RASSF9: variants seen among roughly 807,000 people sequenced by gnomAD.
RASSF9 encodes Ras association domain family member 9.
A neutral mutation model predicts 21.4 loss-of-function variants in RASSF9; 18 were observed. That is an observed-to-expected ratio of 0.84 (90% CI 0.58 to 1.25). The LOEUF (loss-of-function observed/expected upper bound fraction) is 1.25. RASSF9 is among the 50% of genes most tolerant of loss of function. The pLI, the probability that RASSF9 is intolerant of heterozygous loss-of-function variation, is 0.00. For missense variants in RASSF9, 480 were observed against 503.2 expected, an observed-to-expected ratio of 0.95 and a Z score of 0.44; for synonymous variants, 183 against 179.1, an observed-to-expected ratio of 1.02 and a Z score of -0.18.
At chr12:85,812,512 G>A (rs982053126) in intron 1 of RASSF9, among the ~76,000 whole-genome samples, 1 of 150,830 alleles carries the variant, frequency 6.6e-6, no homozygotes, top group African/African-American at 2.4e-5. Flanking sequence ...TATATAGCAG[G>A]AACGATTGAA....
intron 1 of RASSF9, among the ~76,000 whole-genome samples, chr12:85,806,240 C>A (rs866241036): frequency 5.3e-5 from 8 of 151,178 alleles, no homozygotes; most frequent in Middle Eastern, 3.5e-3. Context: ...TTAGTACAGA[C>A]GGGGTTTCAC....
intron 1 of RASSF9, among the ~76,000 whole-genome samples, chr12:85,819,940 AG>A (rs1412154997): frequency 6.6e-6 from 1 of 152,192 alleles, no homozygotes; most frequent in Non-Finnish European, 1.5e-5. Context: ...TAACTGGTTC[AG>A]TTATTTTTCT....
At chr12:85,826,730 A>G (rs1007478409) in intron 1 of RASSF9, among the ~76,000 whole-genome samples, 1 of 152,048 alleles carries the variant, frequency 6.6e-6, no homozygotes, top group Non-Finnish European at 1.5e-5. Context: ...GGCATGAGCC[A>G]CCGCGCCTGG....
chr12:85,811,888 C>T (rs1007154669), intron 1 of RASSF9, among the ~76,000 whole-genome samples: 14 of 151,838 alleles, frequency 9.2e-5, no homozygotes, highest in Admixed American at 6.6e-4. Flanking sequence ...GGGTATGTCA[C>T]ATTTTGGTTC....
chr12:85,818,934 G>A (rs1414707001), intron 1 of RASSF9, among the ~76,000 whole-genome samples: 1 of 146,062 alleles, frequency 6.8e-6, no homozygotes, highest in Non-Finnish European at 1.5e-5. Context: ...ACTCCAGCCT[G>A]GGCGAGAGAG....
chr12:85,811,895 G>T (rs1484253270), intron 1 of RASSF9, among the ~76,000 whole-genome samples: 1 of 151,708 alleles, frequency 6.6e-6, no homozygotes, highest in Non-Finnish European at 1.5e-5. Context: ...TCACATTTTG[G>T]TTCTGATTAA....
chr12:85,819,933 C>G (rs369870167), intron 1 of RASSF9, among the ~76,000 whole-genome samples: 1 of 152,050 alleles, frequency 6.6e-6, no homozygotes, highest in East Asian at 1.9e-4. Flanking sequence ...AAAAGGATAA[C>G]TGGTTCAGTT....
chr12:85,826,451 T>A (rs1313433816), intron 1 of RASSF9, among the ~76,000 whole-genome samples: 2 of 150,496 alleles, frequency 1.3e-5, no homozygotes, highest in African/African-American at 4.9e-5. Flanking sequence ...TCCAATATTT[T>A]TTTTTTTTTT....
chr12:85,832,955 G>A (rs1261681213), intron 1 of RASSF9, among the ~76,000 whole-genome samples: 3 of 151,852 alleles, frequency 2.0e-5, no homozygotes, highest in African/African-American at 7.2e-5. Context: ...TTGGTTCCAT[G>A]TCTTTCTATG....
rs1334406707 is a variant in RASSF9 at position 85,803,971 on chromosome 12, G to A, written c.*731C>T. 1 of 152,202 alleles carries A rather than the reference G, an allele frequency of 6.6e-6. No homozygotes were observed. Among genetic ancestry groups the A allele is most frequent in the Non-Finnish European group, 1.5e-5 (1 of 68,034 alleles). The allele number at this position is 152,202 out of a possible 1,614,324, so 9.4% of individuals were successfully genotyped here. A position where few individuals can be genotyped will look rare whatever the true frequency, so the allele number is the denominator to read the frequency against. On this transcript the variant is annotated 3_prime_UTR_variant, in exon 2 of 2. Transcript: ENST00000361228. ...TACCTCACTCAGTGAATGAACATGG[G>A]TTTGGTCAGGAGATCTGAATTGCCA...
At chr12:85,811,220 C>G (rs17346266) in intron 1 of RASSF9, among the ~76,000 whole-genome samples, 10,317 of 151,694 alleles carry the variant, frequency 0.068, 486 homozygotes, top group Non-Finnish European at 0.1. Flanking sequence ...CTTGAACATT[C>G]AGTATAAAGG....
At chr12:85,828,190 T>A (rs745565128) in intron 1 of RASSF9, among the ~76,000 whole-genome samples, 1 of 152,162 alleles carries the variant, frequency 6.6e-6, no homozygotes, top group Non-Finnish European at 1.5e-5. Context: ...TATGTGTGTG[T>A]GTATTTAAGT....
intron 1 of RASSF9, among the ~76,000 whole-genome samples, chr12:85,825,085 C>T (rs1335985142): frequency 2.0e-5 from 3 of 152,118 alleles, no homozygotes; most frequent in African/African-American, 7.2e-5. Context: ...TCACTGCAAC[C>T]TCTACCTCCC....
At position 85,802,144 on chromosome 12, in the gene RASSF9, T is replaced by G. The variant is rs932606060; in HGVS notation, c.*2558A>C. 2.6e-5 allele frequency: 4 copies of G among 152,228 alleles called. No individual in the cohort carries two copies. The East Asian group carries it at 7.7e-4, about 29-fold the overall frequency. 9.4% of individuals were successfully genotyped at this position (152,228 alleles called of 1,614,324 possible). ...TTGGTTTGTTTCTTCTAGCTGCATATAGCAATTTCATAGTTAACCTGTCAG... is the reference window on the plus strand; with the variant it reads ...TTGGTTTGTTTCTTCTAGCTGCATAGAGCAATTTCATAGTTAACCTGTCAG... On this transcript the variant is annotated 3_prime_UTR_variant, in exon 2 of 2. Transcript: ENST00000361228.
In RASSF9 at chr12:85,801,885, C is replaced by T. The variant is rs968046921; in HGVS notation, c.*2817G>A. ...GTGCATAAATATATATAGCGTAAGC[C>T]AGAATAAAAATGCTTCTTATGAGAA... is the stretch of plus-strand genomic sequence containing the variant. On this transcript the variant is annotated 3_prime_UTR_variant, in exon 2 of 2. Coordinates refer to ENST00000361228, the MANE Select transcript of RASSF9 (RefSeq NM_005447.4). 5 of 152,120 alleles carry T rather than the reference C, an allele frequency of 3.3e-5. No individual in the cohort carries two copies. The highest frequency in any genetic ancestry group is 1.2e-4 in the African/African-American group (5 of 41,404). 9.4% of individuals were successfully genotyped at this position (152,120 alleles called of 1,614,324 possible).
At chr12:85,826,447 ATTTTT>A (rs560187497) in intron 1 of RASSF9, among the ~76,000 whole-genome samples, 2 of 130,658 alleles carry the variant, frequency 1.5e-5, no homozygotes, top group Non-Finnish European at 1.6e-5. Context: ...TCCTTCCAAT[ATTTTT>A]TTTTTTTTTT....
intron 1 of RASSF9, among the ~76,000 whole-genome samples, chr12:85,834,525 T>A (rs971611445): frequency 1.3e-5 from 2 of 152,080 alleles, no homozygotes; most frequent in Non-Finnish European, 2.9e-5. Context: ...TGAGGGAAAC[T>A]CAGGGGCGCA....
At chr12:85,816,854 C>A (rs115387214) in intron 1 of RASSF9, among the ~76,000 whole-genome samples, 2,385 of 152,154 alleles carry the variant, frequency 0.016, 50 homozygotes, top group African/African-American at 0.054. Flanking sequence ...GTTACTGAGT[C>A]TTATGGAGAA....
At chr12:85,827,625 A>G (rs1380064177) in intron 1 of RASSF9, among the ~76,000 whole-genome samples, 1 of 152,186 alleles carries the variant, frequency 6.6e-6, no homozygotes, top group Non-Finnish European at 1.5e-5. Context: ...CCCTACTCGT[A>G]AGCCCCTTAC....
Sources: allele counts gnomAD v4.1 joint callset (sites outside exome capture counted in the v4.1 genomes callset), GRCh38; gene constraint gnomAD v4.1.1; transcripts MANE v1.5; gene names NCBI Gene and HGNC (gene_info 2026-07-23, HGNC 2026-07-21).